Variants in PHF12 observed in about 807,000 individuals in gnomAD.
The protein encoded by PHF12 is PHD finger protein 12.
Under a neutral mutation model 99.8 loss-of-function variants are expected in PHF12, and 6 were observed. The ratio of observed to expected loss-of-function variants is 0.06; its 90% CI spans 0.03 to 0.12. The LOEUF (loss-of-function observed/expected upper bound fraction) is 0.12. Among genes scored for constraint, PHF12 ranks in the 10% least tolerant of loss-of-function variants. The pLI is 1.00. For missense variants in PHF12, 954 were observed against 1,300.1 expected, an observed-to-expected ratio of 0.73 and a Z score of 4.09; for synonymous variants, 480 against 514.9, an observed-to-expected ratio of 0.93 and a Z score of 0.92.
intron 2 of PHF12, among the ~76,000 whole-genome samples, chr17:28,934,262 C>T (rs1474389194): frequency 3.3e-5 from 5 of 152,294 alleles, no homozygotes; most frequent in Middle Eastern, 6.8e-3. Flanking sequence ...TAAAGACCCA[C>T]ATAAAACTCA....
At chr17:28,931,246 G>A (rs983345876) in intron 2 of PHF12, among the ~76,000 whole-genome samples, 1 of 144,338 alleles carries the variant, frequency 6.9e-6, no homozygotes, top group Admixed American at 7.5e-5. Context: ...AAAGACTGAG[G>A]CCATCATTCC....
intron 6 of PHF12, among the ~76,000 whole-genome samples, chr17:28,917,706 T>C (rs886321546): frequency 2.0e-5 from 3 of 152,160 alleles, no homozygotes; most frequent in Admixed American, 2.0e-4. Context: ...CAGGAGAAAT[T>C]AGCCAAGACG....
chr17:28,923,653 CAAAAAAA>C (rs35263191), intron 4 of PHF12, among the ~76,000 whole-genome samples: 3,200 of 43,524 alleles, frequency 0.074, 75 homozygotes, highest in Middle Eastern at 0.22. Flanking sequence ...GTGAGACTCA[CAAAAAAA>C]AAAAAAAAAA....
At chr17:28,914,670 T>TTAA (rs1197067001) in intron 7 of PHF12, among the ~76,000 whole-genome samples, 1 of 17,814 alleles carries the variant, frequency 5.6e-5, no homozygotes, top group Non-Finnish European at 8.7e-5. Context: ...AGACTCCGTC[T>TTAA]CAAAAAAAAA....
chr17:28,923,651 CACAAAAAA>C (rs1246528410), intron 4 of PHF12, among the ~76,000 whole-genome samples: 2 of 21,958 alleles, frequency 9.1e-5, no homozygotes. Flanking sequence ...AAGTGAGACT[CACAAAAAA>C]AAAAAAAAAA....
rs2040790133 is a variant in PHF12, at chr17:28,950,478, G to A, written c.67-232C>T. The A allele has an allele frequency of 5.1e-6, 3 of 585,444 alleles. No homozygotes were observed. The highest frequency in any genetic ancestry group is 2.9e-5 in the East Asian group (1 of 34,248). The allele number at this position is 585,444 out of a possible 1,614,324, so 36.3% of individuals were successfully genotyped here. On this transcript the variant is annotated intron_variant, in intron 1 of 14. Transcript: ENST00000332830. This position sits in a 1 kb window ranked among gnomAD's most constrained non-coding sequence, Gnocchi z 5.7. ...TTCTTCCAAATGGGGAGGATCAAGG[G>A]TAGGGGGATGGGAAGAGGGTGCGCG...
intron 9 of PHF12, 21 bp from the exon 10 acceptor site, chr17:28,911,258 C>G: frequency 6.2e-7 from 1 of 1,613,624 alleles, no homozygotes; most frequent in Non-Finnish European, 8.5e-7. Context: ...AGCAGGAAGA[C>G]TGTTACTTAC....
At chr17:28,927,139 T>C in intron 2 of PHF12, 76 bp from the exon 3 acceptor site, 4 of 1,388,184 alleles carry the variant, frequency 2.9e-6, no homozygotes, top group Non-Finnish European at 4.0e-6. Flanking sequence ...TAGGTTTGCA[T>C]GTTCCTAAAC....
chr17:28,917,698 G>A (rs1374422431), intron 6 of PHF12, among the ~76,000 whole-genome samples: 1 of 152,224 alleles, frequency 6.6e-6, no homozygotes, highest in Non-Finnish European at 1.5e-5. Context: ...AAGGAAGGCA[G>A]GAGAAATTAG....
In PHF12 at chr17:28,927,068, G is replaced by C; in HGVS notation, c.249-5C>G. ...TCTTCACTCAGTGGAGGGTTACTGT[G>C]GGGAACAGACAAGGGCAAGACTAAA... On this transcript the variant is annotated splice_region_variant and splice_polypyrimidine_tract_variant and intron_variant, in intron 2 of 14. Coordinates refer to ENST00000332830, the MANE Select transcript of PHF12 (RefSeq NM_001033561.2). 1.2e-6 allele frequency: 2 copies of C among 1,613,064 alleles called. No homozygotes were observed. Among genetic ancestry groups the C allele is most frequent in the Non-Finnish European group, 1.7e-6 (2 of 1,179,094 alleles).
Position 28,945,002 on chromosome 17 carries a change from T to A in PHF12, c.248+5063A>T, listed in dbSNP as rs905776591. ...CTTAAAAGTTCAAACAGGTTGGGCA[T>A]GACAGCTCACTCCTATAATCTCAAC... On this transcript the variant is annotated intron_variant, in intron 2 of 14. Transcript: ENST00000332830. 5 of 152,254 alleles carry A rather than the reference T, an allele frequency of 3.3e-5. No homozygotes were observed. In the East Asian group the frequency reaches 9.6e-4, roughly 29 times the overall value. 9.4% of individuals were successfully genotyped at this position (152,254 alleles called of 1,614,324 possible).
chr17:28,938,975 G>A (rs1167837024), intron 2 of PHF12, among the ~76,000 whole-genome samples: 1 of 152,320 alleles, frequency 6.6e-6, no homozygotes, highest in South Asian at 2.1e-4. Flanking sequence ...ACACACAAAC[G>A]GTGAGCACTC....
chr17:28,922,253 T>G (rs1013297191), intron 4 of PHF12, among the ~76,000 whole-genome samples: 3 of 152,200 alleles, frequency 2.0e-5, no homozygotes, highest in African/African-American at 7.2e-5. Context: ...CAAACTCAGC[T>G]AACTTTTTTA....
In PHF12 at chr17:28,951,237, G is replaced by T; in HGVS notation, c.-277C>A. The T allele has an allele frequency of 1.5e-6, 2 of 1,316,948 alleles. No homozygotes were observed. The highest frequency in any genetic ancestry group is 3.3e-5 in the East Asian group (1 of 29,898). The allele number at this position is 1,316,948 out of a possible 1,614,324, so 81.6% of individuals were successfully genotyped here. On this transcript the variant is annotated 5_prime_UTR_variant, in exon 1 of 15. Transcript: ENST00000332830. Reference sequence around the variant, plus strand: ...GCTCCGGGGGTCAGGCCTCGGCGGGGCCTAGTCCCACAGGCTAAAGCCGGC... The same window carrying T: ...GCTCCGGGGGTCAGGCCTCGGCGGGTCCTAGTCCCACAGGCTAAAGCCGGC...
intron 2 of PHF12, among the ~76,000 whole-genome samples, chr17:28,944,326 C>T (rs1301887390): frequency 6.6e-6 from 1 of 152,144 alleles, no homozygotes; most frequent in East Asian, 1.9e-4. Context: ...AAAAATTTCC[C>T]ATAACAGTAC....
chr17:28,912,404 A>T (rs1382435018), intron 9 of PHF12, 78 bp downstream of exon 9: 2 of 1,505,562 alleles, frequency 1.3e-6, no homozygotes, highest in African/African-American at 2.8e-5. Flanking sequence ...TCACAGGGAT[A>T]TAAGTGCTTT....
rs746164874 is a variant in PHF12, at chr17:28,913,054, A to G, written c.1517T>C (p.Leu506Pro). ...CPSGISTQNS[L>P]SCSPPHQSPA... The stretch of plus-strand genomic sequence containing the variant: ...GGACTGGTGGGGTGGAGAGCAGCTC[A>G]GGGAATTCTGGGTGCTAATCCCTGA... The change falls in exon 9 of 15, where the codon CTG becomes CCG. Residue 506 changes from leucine (L) to proline (P), a missense_variant. Around this residue, in one of 8 missense-constraint regions of PHF12, gnomAD observed 392 missense variants for 423.1 expected, o/e 0.93. Transcript: ENST00000332830. 2 of 1,614,166 alleles carry G rather than the reference A, an allele frequency of 1.2e-6. No individual in the cohort carries two copies. The highest frequency in any genetic ancestry group is 8.5e-7 in the Non-Finnish European group (1 of 1,180,014).
chr17:28,912,729 G>T lies in PHF12; in HGVS notation c.1842C>A (p.Pro614=). The stretch of plus-strand genomic sequence containing the variant: ...TTGGGACAGGAACCAAACTCCTCTG[G>T]GGGCAAGAGCTGGGGCCAGTGGCAT... The part of the protein sequence containing the change: ...TENATGPSSC[P]QRSLVPVPSL... The change falls in exon 9 of 15, where the codon CCC becomes CCA. Residue 614 remains proline, a synonymous_variant. Coordinates refer to ENST00000332830, the MANE Select transcript of PHF12 (RefSeq NM_001033561.2). The T allele has an allele frequency of 1.2e-6, 2 of 1,614,234 alleles. No individual in the cohort carries two copies. The highest frequency in any genetic ancestry group is 1.7e-6 in the Non-Finnish European group (2 of 1,180,046).
Position 28,950,820 on chromosome 17 carries a change from G to A in PHF12, c.66+75C>T. 1 of 1,590,242 alleles carries A rather than the reference G, an allele frequency of 6.3e-7. No individual in the cohort carries two copies. The highest frequency in any genetic ancestry group is 1.4e-5 in the African/African-American group (1 of 73,846). ...GGCCATCTAGGCGCTTCGAGTTTAG[G>A]ACTGGCTTTGTGGGGCGGAGGGCGG... On this transcript the variant is annotated intron_variant, in intron 1 of 14. Transcript: ENST00000332830. The surrounding 1 kb of genome is among the most constrained non-coding windows in gnomAD (Gnocchi z 5.7).
Sources: allele counts gnomAD v4.1 joint callset (sites outside exome capture counted in the v4.1 genomes callset), GRCh38; gene constraint gnomAD v4.1.1; regional missense constraint gnomAD v4.1.1; non-coding constraint Gnocchi (gnomAD v3.1); transcripts MANE v1.5; gene names NCBI Gene and HGNC (gene_info 2026-07-23, HGNC 2026-07-21).